SH3GL2: variants seen among roughly 807,000 people sequenced by gnomAD.
The protein encoded by SH3GL2 is SH3 domain containing GRB2 like 2, endophilin A1, also known as endophilin-A1.
Under a neutral mutation model 46.0 loss-of-function variants are expected in SH3GL2, and 24 were observed. The observed-to-expected ratio is 0.52, with a 90% confidence interval of 0.38 to 0.73. SH3GL2 has a LOEUF of 0.73. Ranked by LOEUF, SH3GL2 falls within the 30% of genes least tolerant of loss-of-function variation. The probability of loss-of-function intolerance (pLI) is 0.00; values close to 1 mark genes in which losing one functional copy is unlikely to be tolerated. For missense variants in SH3GL2, 413 were observed against 424.2 expected (o/e 0.97, Z 0.23); for synonymous variants, 196 against 147.1 (o/e 1.33, Z -2.40).
chr9:17,757,028 TGA>T (rs1823015525), intron 2 of SH3GL2, among the ~76,000 whole-genome samples: 1 of 152,178 alleles, frequency 6.6e-6, no homozygotes, highest in East Asian at 1.9e-4. Flanking sequence ...CTAACTGGTG[TGA>T]GATGGTATCT....
chr9:17,761,314 C>A, intron 2 of SH3GL2, 123 bp from the exon 3 acceptor site: 1 of 687,036 alleles, frequency 1.5e-6, no homozygotes, highest in South Asian at 1.7e-5. Flanking sequence ...GCCTCCCTCA[C>A]CTACTGCGGG....
intron 1 of SH3GL2, among the ~76,000 whole-genome samples, chr9:17,648,282 A>G (rs1434818082): frequency 6.6e-6 from 1 of 152,190 alleles, no homozygotes; most frequent in Non-Finnish European, 1.5e-5. Context: ...TTGAGGGAAA[A>G]GAACATGATC....
chr9:17,789,761 C>A, intron 6 of SH3GL2: 1 of 983,932 alleles, frequency 1.0e-6, no homozygotes, highest in Non-Finnish European at 1.2e-6. Flanking sequence ...TAACTAGATT[C>A]TCGACTGCTA....
intron 1 of SH3GL2, among the ~76,000 whole-genome samples, chr9:17,675,241 C>G (rs899949372): frequency 1.1e-4 from 16 of 152,142 alleles, no homozygotes; most frequent in African/African-American, 1.4e-4. Context: ...ATTTGTATCT[C>G]TCATAGCACA....
chr9:17,688,696 G>A (rs945352309), intron 1 of SH3GL2, among the ~76,000 whole-genome samples: 1 of 152,042 alleles, frequency 6.6e-6, no homozygotes, highest in Non-Finnish European at 1.5e-5. Context: ...GTATGTCAAA[G>A]GGATACAGAA....
intron 1 of SH3GL2, among the ~76,000 whole-genome samples, chr9:17,720,591 G>A (rs551588651): frequency 5.4e-4 from 82 of 152,174 alleles, no homozygotes; most frequent in Non-Finnish European, 3.2e-4. Flanking sequence ...GTTACAGTCT[G>A]TTTGCACATC....
chr9:17,719,996 A>G (rs1033398433), intron 1 of SH3GL2, among the ~76,000 whole-genome samples: 1 of 151,596 alleles, frequency 6.6e-6, no homozygotes, highest in African/African-American at 2.4e-5. Context: ...TTTATTTTTG[A>G]TGTGTTGAAT....
chr9:17,783,351 G>T (rs1020024496), intron 3 of SH3GL2, among the ~76,000 whole-genome samples: 6 of 151,550 alleles, frequency 4.0e-5, no homozygotes, highest in African/African-American at 1.5e-4. Flanking sequence ...TTTAGCAGAA[G>T]TACTGAGTTT....
intron 1 of SH3GL2, among the ~76,000 whole-genome samples, chr9:17,680,238 G>A (rs1472792996): frequency 6.6e-6 from 1 of 152,064 alleles, no homozygotes; most frequent in East Asian, 1.9e-4. Context: ...GGTAGAATTC[G>A]GCTGTGAATC....
intron 2 of SH3GL2, among the ~76,000 whole-genome samples, chr9:17,760,859 A>G (rs1231741828): frequency 6.6e-6 from 1 of 152,172 alleles, no homozygotes; most frequent in Admixed American, 6.5e-5. Flanking sequence ...GCTGAAGGCA[A>G]ACACTGACCA....
intron 1 of SH3GL2, among the ~76,000 whole-genome samples, chr9:17,582,918 C>G (rs1818304109): frequency 6.6e-6 from 1 of 152,222 alleles, no homozygotes; most frequent in African/African-American, 2.4e-5. Flanking sequence ...GTGTGTGTCT[C>G]AGTGTCCAAA....
At chr9:17,594,316 T>C (rs570496459) in intron 1 of SH3GL2, among the ~76,000 whole-genome samples, 12 of 152,208 alleles carry the variant, frequency 7.9e-5, no homozygotes, top group Non-Finnish European at 1.8e-4. Context: ...TGCTCTTCCC[T>C]CTCTGTGGAA....
chr9:17,694,051 G>A (rs1044989772), intron 1 of SH3GL2, among the ~76,000 whole-genome samples: 15 of 151,996 alleles, frequency 9.9e-5, no homozygotes, highest in East Asian at 1.9e-4. Context: ...TGCTTCTCTC[G>A]TTTTTCTAGT....
At chr9:17,619,396 G>A (rs561552485) in intron 1 of SH3GL2, among the ~76,000 whole-genome samples, 2 of 152,222 alleles carry the variant, frequency 1.3e-5, no homozygotes, top group Non-Finnish European at 2.9e-5. Flanking sequence ...GAATAGGTGA[G>A]GTGGGGCATG....
chr9:17,701,021 G>A (rs1263246895), intron 1 of SH3GL2, among the ~76,000 whole-genome samples: 2 of 152,166 alleles, frequency 1.3e-5, no homozygotes. Flanking sequence ...TCATTTCATA[G>A]TGGGCCTTAA....
chr9:17,788,520 AT>A (rs999634412), intron 5 of SH3GL2, among the ~76,000 whole-genome samples: 5 of 152,082 alleles, frequency 3.3e-5, no homozygotes, highest in African/African-American at 1.2e-4. Flanking sequence ...AAAATCCAGG[AT>A]TTTCCTTCAT....
intron 5 of SH3GL2, among the ~76,000 whole-genome samples, chr9:17,788,629 C>T (rs1458647253): frequency 6.6e-6 from 1 of 152,060 alleles, no homozygotes; most frequent in East Asian, 1.9e-4. Context: ...TGGGTGGAGC[C>T]TGGGCAGCCA....
chr9:17,669,422 C>T (rs890273498), intron 1 of SH3GL2, among the ~76,000 whole-genome samples: 24 of 152,286 alleles, frequency 1.6e-4, no homozygotes, highest in African/African-American at 5.5e-4. Context: ...TAACCGTACC[C>T]ACTTCCTCTT....
intron 1 of SH3GL2, among the ~76,000 whole-genome samples, chr9:17,584,648 T>TA (rs1183732043): frequency 6.6e-6 from 1 of 152,166 alleles, no homozygotes; most frequent in Non-Finnish European, 1.5e-5. Context: ...CAATCAAATG[T>TA]AAAAAACCTT....
Sources: allele counts gnomAD v4.1 joint callset (sites outside exome capture counted in the v4.1 genomes callset), GRCh38; gene constraint gnomAD v4.1.1; transcripts MANE v1.5; gene names NCBI Gene and HGNC (gene_info 2026-07-23, HGNC 2026-07-21).